The following ASCC3 variants were observed in gnomAD, a reference collection of about 807,000 sequenced individuals.
ASCC3 encodes the protein ASC-1 complex subunit P200.
In ASCC3, 158 loss-of-function variants were observed where a neutral mutation model predicts 256.3. The observed-to-expected ratio is 0.62, with a 90% CI of 0.54 to 0.70. ASCC3 has a LOEUF of 0.70. Ranked by LOEUF, ASCC3 falls within the 30% of genes least tolerant of loss-of-function variation. The pLI is 0.00. For synonymous variants in ASCC3, 948 were observed against 883.4 expected (o/e 1.07, Z -1.30); for missense variants, 2,259 against 2,626.0 (o/e 0.86, Z 3.05).
intron 8 of ASCC3, among the ~76,000 whole-genome samples, chr6:100,779,218 A>C (rs932551116): frequency 2.6e-5 from 4 of 152,124 alleles, no homozygotes; most frequent in Admixed American, 1.3e-4. Context: ...AGCAACATGA[A>C]AAAAATCCTA....
At chr6:100,532,732 T>C (rs1386970585) in intron 37 of ASCC3, among the ~76,000 whole-genome samples, 2 of 152,046 alleles carry the variant, frequency 1.3e-5, no homozygotes, top group African/African-American at 4.8e-5. Context: ...TGCTTTTCAT[T>C]TACATGATTT....
chr6:100,876,988 C>T (rs1774031733), intron 1 of ASCC3, among the ~76,000 whole-genome samples: 3 of 152,094 alleles, frequency 2.0e-5, no homozygotes, highest in Admixed American at 2.0e-4. Flanking sequence ...AATCAGTGAG[C>T]TAGAATTCCA....
intron 10 of ASCC3, among the ~76,000 whole-genome samples, chr6:100,728,399 T>C (rs1245202531): frequency 1.3e-5 from 2 of 151,926 alleles, no homozygotes; most frequent in African/African-American, 4.8e-5. Context: ...CGGTGGAATA[T>C]AAACTTATAC....
chr6:100,614,557 A>T (rs1302070384), intron 30 of ASCC3, among the ~76,000 whole-genome samples: 1 of 152,210 alleles, frequency 6.6e-6, no homozygotes, highest in Admixed American at 6.5e-5. Context: ...CGCAGAGATT[A>T]ATCCTACCAA....
At chr6:100,570,859 A>G (rs1043780196) in intron 36 of ASCC3, among the ~76,000 whole-genome samples, 3 of 152,100 alleles carry the variant, frequency 2.0e-5, no homozygotes, top group Non-Finnish European at 2.9e-5. Flanking sequence ...TAATCAATCA[A>G]TCATTAATTC....
At chr6:100,784,295 G>A (rs1782589918) in intron 8 of ASCC3, among the ~76,000 whole-genome samples, 1 of 151,834 alleles carries the variant, frequency 6.6e-6, no homozygotes, top group South Asian at 2.1e-4. Flanking sequence ...AAAATTTATT[G>A]CTCTTGGTAA....
rs141133865 is a variant in ASCC3, at chr6:100,820,200, G to T, written c.802-14320C>A. On this transcript the variant is annotated intron_variant, in intron 4 of 41. Transcript: ENST00000369162. The stretch of plus-strand genomic sequence containing the variant: ...AACTCAGAATAGTCAAAATAAACTT[G>T]AAGAGAACAAAGTTTAAGACTCACA... Among the ~76,000 whole-genome samples, 136 of 152,248 alleles carry T rather than the reference G, an allele frequency of 8.9e-4. 1 individual carries two copies. Among genetic ancestry groups the T allele is most frequent in the African/African-American group, 3.1e-3 (128 of 41,562 alleles).
intron 30 of ASCC3, among the ~76,000 whole-genome samples, chr6:100,607,833 G>T (rs79115396): frequency 6.6e-6 from 1 of 150,712 alleles, no homozygotes; most frequent in Non-Finnish European, 1.5e-5. Context: ...TCAAACTGGT[G>T]TATTTTTGTT....
At chr6:100,852,123 G>C (rs1001896880) in intron 3 of ASCC3, among the ~76,000 whole-genome samples, 1 of 152,250 alleles carries the variant, frequency 6.6e-6, no homozygotes, top group African/African-American at 2.4e-5. Flanking sequence ...ACCACAGCTT[G>C]CTGGTACAGC....
At chr6:100,530,248 G>A in intron 37 of ASCC3, 1 of 913,612 alleles carries the variant, frequency 1.1e-6, no homozygotes, top group Non-Finnish European at 1.8e-6. Context: ...AGCCACAGGA[G>A]GAGGGGAGAG....
intron 34 of ASCC3, among the ~76,000 whole-genome samples, 173 bp from the exon 35 acceptor site, chr6:100,590,232 T>C (rs192955383): frequency 1.1e-4 from 17 of 152,238 alleles, no homozygotes; most frequent in Admixed American, 2.0e-4. Flanking sequence ...TGAGTTCTTT[T>C]AGGCAATTCA....
intron 37 of ASCC3, among the ~76,000 whole-genome samples, chr6:100,535,002 A>G (rs931086221): frequency 2.6e-5 from 4 of 152,346 alleles, no homozygotes; most frequent in African/African-American, 7.2e-5. Flanking sequence ...TGAAGATACT[A>G]AGACCTACTT....
chr6:100,805,363 G>A (rs528842503), intron 5 of ASCC3, among the ~76,000 whole-genome samples: 1 of 152,168 alleles, frequency 6.6e-6, no homozygotes. Context: ...TCCAAAAGGG[G>A]AGCGAGAGGG....
intron 36 of ASCC3, among the ~76,000 whole-genome samples, chr6:100,569,887 A>G (rs1770497124): frequency 6.6e-6 from 1 of 152,132 alleles, no homozygotes; most frequent in Non-Finnish European, 1.5e-5. Context: ...TGGCTATTTT[A>G]ATGATATTGA....
intron 8 of ASCC3, 126 bp from the exon 9 acceptor site, chr6:100,767,471 GTC>G (rs970507337): frequency 2.3e-4 from 228 of 977,168 alleles, no homozygotes; most frequent in Non-Finnish European, 4.8e-5. Context: ...TTCACAATGT[GTC>G]TTTTATTTAA....
intron 30 of ASCC3, among the ~76,000 whole-genome samples, chr6:100,617,722 T>G (rs755578495): frequency 6.6e-6 from 1 of 152,196 alleles, no homozygotes; most frequent in Non-Finnish European, 1.5e-5. Flanking sequence ...AAGCACTCCT[T>G]CCTTCACAGA....
chr6:100,847,856 C>T (rs1772456665), intron 4 of ASCC3: 1 of 228,060 alleles, frequency 4.4e-6, no homozygotes, highest in African/African-American at 2.3e-5. Context: ...TCAATTTGTC[C>T]AGTATTAAAA....
At chr6:100,722,074 A>G (rs1168105474) in intron 11 of ASCC3, among the ~76,000 whole-genome samples, 1 of 151,838 alleles carries the variant, frequency 6.6e-6, no homozygotes, top group Admixed American at 6.6e-5. Flanking sequence ...TCTCAGCATT[A>G]TTTATTGAAG....
At chr6:100,526,675 A>G (rs1338054057) in intron 37 of ASCC3, among the ~76,000 whole-genome samples, 1 of 152,200 alleles carries the variant, frequency 6.6e-6, no homozygotes, top group African/African-American at 2.4e-5. Context: ...GAGATAAAAT[A>G]TAGCTTTGAC....
Sources: allele counts gnomAD v4.1 joint callset (sites outside exome capture counted in the v4.1 genomes callset), GRCh38; gene constraint gnomAD v4.1.1; transcripts MANE v1.5; gene names NCBI Gene and HGNC (gene_info 2026-07-23, HGNC 2026-07-21).